Variants in LRRC8E observed in about 807,000 individuals in gnomAD.
LRRC8E encodes the protein leucine rich repeat containing 8 VRAC subunit E, also known as volume-regulated anion channel subunit LRRC8E.
A neutral mutation model predicts 6.1 loss-of-function variants in LRRC8E; 6 were observed. The ratio of observed to expected loss-of-function variants is 0.98; its 90% CI spans 0.54 to 1.93. The LOEUF (loss-of-function observed/expected upper bound fraction) is 1.93. Ranked by LOEUF, LRRC8E falls within the 30% of genes most tolerant of loss-of-function variation. The pLI, the probability that LRRC8E is intolerant of heterozygous loss-of-function variation, is 0.01. For synonymous variants in LRRC8E, 485 were observed against 472.8 expected (o/e 1.03, Z -0.33); for missense variants, 1,028 against 1,031.4 (o/e 1.00, Z 0.04).
At chr19:7,892,474 C>T (rs944962945) in intron 1 of LRRC8E, among the ~76,000 whole-genome samples, 3 of 152,150 alleles carry the variant, frequency 2.0e-5, no homozygotes, top group Non-Finnish European at 4.4e-5. Flanking sequence ...TCCCAAAGTG[C>T]TGGAATTACA....
Position 7,900,964 on chromosome 19 carries a change from G to T in LRRC8E, c.*51G>T. The T allele has an allele frequency of 1.5e-6, 2 of 1,343,764 alleles. No homozygotes were observed. The highest frequency in any genetic ancestry group is 2.0e-6 in the Non-Finnish European group (2 of 1,017,496). 83.2% of individuals were successfully genotyped at this position (1,343,764 alleles called of 1,614,324 possible). On this transcript the variant is annotated 3_prime_UTR_variant, in exon 3 of 3. Coordinates refer to ENST00000306708, the MANE Select transcript of LRRC8E (RefSeq NM_025061.6). The surrounding 1 kb of genome is among the most constrained non-coding windows in gnomAD (Gnocchi z 5.0). The stretch of plus-strand genomic sequence containing the variant: ...GAGCCTTAAAAATGCTTCTGCCCTG[G>T]AATCTCAACCATTGTCTTCCAAGAT...
chr19:7,900,537 T>G lies in LRRC8E; in HGVS notation c.2015T>G (p.Leu672Arg). ...AAGCTGGAGACCCTGCCCTCCCAGC[T>G]CGGCCTGTGCTCAGGCCTCCGTCTG... is the stretch of plus-strand genomic sequence containing the variant. ...YNKLETLPSQ[L>R]GLCSGLRLLD... is the part of the protein sequence containing the mutation. The change falls in exon 3 of 3, where the codon CTC (leucine) becomes CGC (arginine). Residue 672 changes from leucine to arginine, a missense_variant. Transcript: ENST00000306708. This position sits in a 1 kb window ranked among gnomAD's most constrained non-coding sequence, Gnocchi z 5.0. 6.2e-7 allele frequency: 1 copy of G among 1,613,068 alleles called. No homozygotes were observed. Among genetic ancestry groups the G allele is most frequent in the Non-Finnish European group, 8.5e-7 (1 of 1,180,020 alleles).
At chr19:7,892,006 C>A (rs1370849984) in intron 1 of LRRC8E, among the ~76,000 whole-genome samples, 1 of 151,956 alleles carries the variant, frequency 6.6e-6, no homozygotes, top group Non-Finnish European at 1.5e-5. Flanking sequence ...TTCAAGCAAT[C>A]CTCCCACCTC....
intron 2 of LRRC8E, among the ~76,000 whole-genome samples, chr19:7,896,573 TA>T (rs929281311): frequency 1.3e-5 from 2 of 150,120 alleles, no homozygotes; most frequent in Non-Finnish European, 3.0e-5. Flanking sequence ...GACTCCATCT[TA>T]AAAAAAATAA....
chr19:7,900,093 G>T lies in LRRC8E; in HGVS notation c.1571G>T (p.Arg524Leu). ...GGGCTTTTCCCCCAGGAGCTAGCTC[G>T]GGCAGCCACCCTGGAGAGCCTCCGG... ...LEGLFPQELARAATLESLREL... is the reference protein window; with the variant it reads ...LEGLFPQELALAATLESLREL... Residue 524 changes from arginine to leucine, a missense_variant, in exon 3 of 3, where the codon CGG becomes CTG. Coordinates refer to ENST00000306708, the MANE Select transcript of LRRC8E (RefSeq NM_025061.6). The surrounding 1 kb of genome is among the most constrained non-coding windows in gnomAD (Gnocchi z 5.0). The T allele has an allele frequency of 6.2e-7, 1 of 1,612,346 alleles. No homozygotes were observed.
chr19:7,900,737 C>T lies in LRRC8E; in HGVS notation c.2215C>T (p.Pro739Ser), dbSNP rs1223265443. 1 of 1,612,730 alleles carries T rather than the reference C, an allele frequency of 6.2e-7. No homozygotes were observed. Among genetic ancestry groups the T allele is most frequent in the East Asian group, 2.2e-5 (1 of 44,892 alleles). Residue 739 changes from proline (P) to serine (S), a missense_variant, in exon 3 of 3, where the codon CCC becomes TCC. Coordinates refer to ENST00000306708, the MANE Select transcript of LRRC8E (RefSeq NM_025061.6). The surrounding 1 kb of genome is among the most constrained non-coding windows in gnomAD (Gnocchi z 5.0). ...LGDNQLSQLS[P>S]HVGALRALSR... Reference sequence around the variant, plus strand: ...CGACAACCAGCTGAGCCAGCTCTCGCCCCACGTGGGTGCCCTCAGAGCCCT... The same window carrying T: ...CGACAACCAGCTGAGCCAGCTCTCGTCCCACGTGGGTGCCCTCAGAGCCCT...
At chr19:7,897,103 C>G (rs1433155438) in intron 2 of LRRC8E, among the ~76,000 whole-genome samples, 6 of 152,210 alleles carry the variant, frequency 3.9e-5, no homozygotes, top group African/African-American at 1.4e-4. Flanking sequence ...CCAAGCTTCC[C>G]TCCTAGATTT....
chr19:7,898,977 T>C lies in LRRC8E; in HGVS notation c.455T>C (p.Ile152Thr), dbSNP rs1336161798. ...TCCAAGATTGAACACTTCATCTCCA[T>C]CCTGGGCAAGTGTTTCGACTCTCCA... Reference protein sequence around the residue: ...TSSKIEHFISILGKCFDSPWT... With the variant: ...TSSKIEHFISTLGKCFDSPWT... Residue 152 changes from isoleucine (I) to threonine (T), a missense_variant, in exon 3 of 3, where the codon ATC (isoleucine) becomes ACC (threonine). Physicochemically the swap from Ile to Thr is moderately conservative, Grantham distance 89. Transcript: ENST00000306708. The C allele has an allele frequency of 7.4e-6, 12 of 1,614,104 alleles. No homozygotes were observed. Among genetic ancestry groups the C allele is most frequent in the Non-Finnish European group, 1.0e-5 (12 of 1,180,034 alleles).
intron 1 of LRRC8E, among the ~76,000 whole-genome samples, chr19:7,893,073 C>T (rs1270883621): frequency 6.6e-6 from 1 of 152,212 alleles, no homozygotes; most frequent in Non-Finnish European, 1.5e-5. Flanking sequence ...GTGGCGCAAT[C>T]TCAGCTCACT....
Position 7,899,131 on chromosome 19 carries a change from G to T in LRRC8E, c.609G>T (p.Lys203Asn). The T allele has an allele frequency of 6.2e-7, 1 of 1,613,584 alleles. No individual in the cohort carries two copies. Among genetic ancestry groups the T allele is most frequent in the South Asian group, 1.1e-5 (1 of 91,078 alleles). Residue 203 changes from lysine to asparagine, a missense_variant, in exon 3 of 3, where the codon AAG (lysine) becomes AAT (asparagine). Transcript: ENST00000306708. ...TGPGKAGEGEKEKVLAEPEKV... is the reference protein window; with the variant it reads ...TGPGKAGEGENEKVLAEPEKV... ...CGGGGAAGGCAGGGGAGGGTGAGAA[G>T]GAGAAAGTGCTGGCGGAACCGGAGA...
At chr19:7,889,163 G>A (rs1365917664) in intron 1 of LRRC8E, among the ~76,000 whole-genome samples, 1 of 152,076 alleles carries the variant, frequency 6.6e-6, no homozygotes, top group Non-Finnish European at 1.5e-5. Flanking sequence ...ATAAATGGTT[G>A]AGGCTCAGCC....
In LRRC8E at chr19:7,899,877, T is replaced by TC. The variant is rs1388513289; in HGVS notation, c.1361dup (p.Leu456AlafsTer156). 2 of 1,606,226 alleles carry TC rather than the reference T, an allele frequency of 1.2e-6. No individual in the cohort carries two copies. The highest frequency in any genetic ancestry group is 1.7e-5 in the Admixed American group (1 of 59,988). On this transcript the variant is annotated frameshift_variant, in exon 3 of 3. Transcript: ENST00000306708. LOFTEE classifies it low-confidence loss of function (END_TRUNC). ...CTGGAGGCCATCTGCGATATCACCTTCCCCCCGGGGCTGTCACAGCTGGTG... is the reference window on the plus strand; with the variant it reads ...CTGGAGGCCATCTGCGATATCACCTTCCCCCCCGGGGCTGTCACAGCTGGTG...
chr19:7,895,618 C>T lies in LRRC8E; in HGVS notation c.15C>T (p.Ala5=), dbSNP rs780909604. The change falls in exon 2 of 3, where the codon GCC becomes GCT. Residue 5 remains alanine, a synonymous_variant. Transcript: ENST00000306708. The surrounding 1 kb of genome is among the most constrained non-coding windows in gnomAD (Gnocchi z 4.7). ...CCACAGGCAGCATGATCCCAGTGGC[C>T]GAGTTCAAGCAGTTCACGGAACAGC... The part of the protein sequence containing the change: MIPV[A]EFKQFTEQQP... 9 of 1,613,254 alleles carry T rather than the reference C, an allele frequency of 5.6e-6. No homozygotes were observed. The highest frequency in any genetic ancestry group is 5.5e-5 in the South Asian group (5 of 91,078).
intron 1 of LRRC8E, among the ~76,000 whole-genome samples, chr19:7,889,885 G>T (rs1277101145): frequency 1.3e-5 from 2 of 151,850 alleles, no homozygotes; most frequent in Non-Finnish European, 2.9e-5. Flanking sequence ...GAGTAGCTGG[G>T]ACTACAAGCA....
chr19:7,891,629 C>A (rs1295225938), intron 1 of LRRC8E, among the ~76,000 whole-genome samples: 1 of 151,796 alleles, frequency 6.6e-6, no homozygotes, highest in Admixed American at 6.6e-5. Context: ...TTTTTTGAGA[C>A]GGAGTCTCGC....
Position 7,895,421 on chromosome 19 carries a change from T to C in LRRC8E, c.-5-178T>C, listed in dbSNP as rs1276641778. On this transcript the variant is annotated intron_variant, in intron 1 of 2. Coordinates refer to ENST00000306708, the MANE Select transcript of LRRC8E (RefSeq NM_025061.6). The surrounding 1 kb of genome is among the most constrained non-coding windows in gnomAD (Gnocchi z 4.7). ...TTCTGGGCAGGTGGTGACGTCTGCA[T>C]GGAGGGTGACTAAGGCCAGGCTAAG... is the stretch of plus-strand genomic sequence containing the variant. The C allele has an allele frequency of 2.9e-6, 2 of 700,492 alleles. No individual in the cohort carries two copies. Among genetic ancestry groups the C allele is most frequent in the Non-Finnish European group, 4.8e-6 (2 of 419,332 alleles). 43.4% of individuals were successfully genotyped at this position (700,492 alleles called of 1,614,324 possible). A position where few individuals can be genotyped will look rare whatever the true frequency, so the allele number is the denominator to read the frequency against.
In LRRC8E at chr19:7,895,413, C is replaced by T. The variant is rs1981525531; in HGVS notation, c.-5-186C>T. On this transcript the variant is annotated intron_variant, in intron 1 of 2. Coordinates refer to ENST00000306708, the MANE Select transcript of LRRC8E (RefSeq NM_025061.6). The surrounding 1 kb of genome is among the most constrained non-coding windows in gnomAD (Gnocchi z 4.7). ...CCGCTTGGTTCTGGGCAGGTGGTGA[C>T]GTCTGCATGGAGGGTGACTAAGGCC... The T allele has an allele frequency of 1.1e-5, 7 of 656,012 alleles. No individual in the cohort carries two copies. Among genetic ancestry groups the T allele is most frequent in the East Asian group, 2.8e-5 (1 of 35,720 alleles). The allele number at this position is 656,012 out of a possible 1,614,324, so 40.6% of individuals were successfully genotyped here.
rs757258089 is a variant in LRRC8E, at chr19:7,900,041, C to CG, written c.1523dup (p.Glu510GlyfsTer102). 2 of 1,610,562 alleles carry CG rather than the reference C, an allele frequency of 1.2e-6. No homozygotes were observed. Among genetic ancestry groups the CG allele is most frequent in the South Asian group, 2.2e-5 (2 of 90,864 alleles). ...GGTGCCGCTTTGGGTGTTTGGGCTG[C>CG]GGGGCTTGGAGGAGCTGCACCTGGA... On this transcript the variant is annotated frameshift_variant, in exon 3 of 3. Transcript: ENST00000306708. LOFTEE classifies it low-confidence loss of function (END_TRUNC). The surrounding 1 kb of genome is among the most constrained non-coding windows in gnomAD (Gnocchi z 5.0).
At chr19:7,890,156 C>G (rs537509129) in intron 1 of LRRC8E, among the ~76,000 whole-genome samples, 3 of 152,248 alleles carry the variant, frequency 2.0e-5, no homozygotes, top group African/African-American at 7.2e-5. Context: ...TTAGCATGGG[C>G]TGTGGGTGTG....
Sources: gnomAD v4.1 joint callset for allele counts (sites outside exome capture counted in the v4.1 genomes callset) on GRCh38, gnomAD v4.1.1 for gene constraint, Gnocchi (gnomAD v3.1) non-coding constraint, MANE v1.5 for transcripts, NCBI Gene and HGNC (gene_info 2026-07-23, HGNC 2026-07-21) for gene names.